The following TRPM8 variants were observed in gnomAD, a reference collection of about 807,000 sequenced individuals.
TRPM8 encodes the protein transient receptor potential cation channel subfamily M member 8.
TRPM8 carries 110 observed loss-of-function variants against 133.7 expected under a neutral mutation model. That is an observed-to-expected ratio of 0.82 (90% CI 0.70 to 0.96). The LOEUF (loss-of-function observed/expected upper bound fraction) is 0.96, where lower values mean the gene tolerates loss of function less well. Ranked by LOEUF, TRPM8 falls within the 40% of genes least tolerant of loss-of-function variation. The pLI is 0.00. For missense variants in TRPM8, 1,291 were observed against 1,379.5 expected (o/e 0.94, Z 1.02); for synonymous variants, 535 against 532.3 (o/e 1.01, Z -0.07).
At chr2:233,969,314 C>T (rs1356751264) in intron 15 of TRPM8, among the ~76,000 whole-genome samples, 8 of 142,978 alleles carry the variant, frequency 5.6e-5, no homozygotes, top group Admixed American at 2.0e-4. Flanking sequence ...CCCGTCACTA[C>T]CAAAAATACA....
intron 4 of TRPM8, 62 bp downstream of exon 4, chr2:233,937,571 G>A (rs1447244074): frequency 1.9e-6 from 3 of 1,545,792 alleles, no homozygotes; most frequent in Non-Finnish European, 2.6e-6. Flanking sequence ...GGGCTACCTT[G>A]ATTTACTTGG....
At chr2:234,009,196 G>T (rs1219963010) in intron 24 of TRPM8, among the ~76,000 whole-genome samples, 12 of 152,262 alleles carry the variant, frequency 7.9e-5, no homozygotes, top group Non-Finnish European at 1.5e-4. Flanking sequence ...GATCAGAATG[G>T]TTGTGGAGGA....
At chr2:233,920,041 A>G (rs554985675) in intron 1 of TRPM8, among the ~76,000 whole-genome samples, 2 of 152,200 alleles carry the variant, frequency 1.3e-5, no homozygotes, top group African/African-American at 2.4e-5. Flanking sequence ...GCACCTGGGA[A>G]CTTGCTAGAG....
chr2:233,956,993 G>C (rs899235469), intron 11 of TRPM8, among the ~76,000 whole-genome samples: 1 of 152,156 alleles, frequency 6.6e-6, no homozygotes, highest in African/African-American at 2.4e-5. Context: ...AGATGGTTAA[G>C]GGTTAAGGGC....
chr2:233,918,197 G>C (rs961221928), intron 1 of TRPM8, among the ~76,000 whole-genome samples: 3 of 151,898 alleles, frequency 2.0e-5, no homozygotes, highest in African/African-American at 4.8e-5. Context: ...GTTTTAGCTT[G>C]TCAAAATCTT....
chr2:233,954,152 G>T, intron 10 of TRPM8, 133 bp downstream of exon 10: 1 of 558,048 alleles, frequency 1.8e-6, no homozygotes. Context: ...TCCTAGATTG[G>T]AAGCTAGAAT....
intron 3 of TRPM8, among the ~76,000 whole-genome samples, chr2:233,933,474 C>T (rs17863842): frequency 0.081 from 12,392 of 152,182 alleles, 625 homozygotes; most frequent in Middle Eastern, 0.15. Context: ...CTGATGTTTT[C>T]CTGTCCTCTT....
chr2:234,009,856 T>C lies in TRPM8; in HGVS notation c.3264+1753T>C, dbSNP rs377554842. ...CATTGACATATAAAATTATATATAT[T>C]TAAAATGTACAATTTGATGCTTTGA... On this transcript the variant is annotated intron_variant, in intron 24 of 25. Transcript: ENST00000324695. Among the ~76,000 whole-genome samples the C allele has an allele frequency of 2.6e-5, 4 of 152,276 alleles. No homozygotes were observed. The East Asian group carries it at 7.7e-4, about 29-fold the overall frequency.
rs1691499912 is a variant in TRPM8, at chr2:233,925,670, G to A, written c.-5-863G>A. Among the ~76,000 whole-genome samples, 3 of 152,266 alleles carry A rather than the reference G, an allele frequency of 2.0e-5. No individual in the cohort carries two copies. The South Asian group carries it at 6.2e-4, about 32-fold the overall frequency. ...AAGGACTGCTGCTGGGATGTGGTGG[G>A]ACAGACAGGGAGGAGCTTGGAGCCA... On this transcript the variant is annotated intron_variant, in intron 1 of 25. Transcript: ENST00000324695.
At chr2:233,979,279 G>A (rs143234277) in intron 17 of TRPM8, among the ~76,000 whole-genome samples, 153 of 152,222 alleles carry the variant, frequency 1.0e-3, no homozygotes, top group African/African-American at 3.5e-3. Context: ...TCTTCGTGTC[G>A]TTTCTTTTCA....
chr2:233,972,471 C>G (rs970069737), intron 17 of TRPM8, among the ~76,000 whole-genome samples: 2 of 152,240 alleles, frequency 1.3e-5, no homozygotes, highest in African/African-American at 2.4e-5. Flanking sequence ...TGCGCCCGCA[C>G]TCCTCAGCCC....
rs769640186 is a variant in TRPM8, at chr2:233,980,897, G to A, written c.2447+618G>A. On this transcript the variant is annotated intron_variant, in intron 18 of 25. Transcript: ENST00000324695. The stretch of plus-strand genomic sequence containing the variant: ...TAGCCTGCATCCTAACTGGCCTGTC[G>A]TCCCCAAATAGCTTTTAAGATAAAG... Among the ~76,000 whole-genome samples, 6 of 152,002 alleles carry A rather than the reference G, an allele frequency of 3.9e-5. No individual in the cohort carries two copies. The East Asian group carries it at 5.8e-4, about 15-fold the overall frequency.
intron 5 of TRPM8, among the ~76,000 whole-genome samples, chr2:233,941,743 C>T (rs1453595440): frequency 2.0e-5 from 3 of 152,144 alleles, no homozygotes; most frequent in Non-Finnish European, 2.9e-5. Flanking sequence ...TGCCCCCCGC[C>T]GCAATAAAAC....
At chr2:233,922,027 A>G (rs572591642) in intron 1 of TRPM8, among the ~76,000 whole-genome samples, 3 of 152,176 alleles carry the variant, frequency 2.0e-5, no homozygotes, top group Non-Finnish European at 2.9e-5. Context: ...TTGATTGACT[A>G]CTACTGTTTA....
At chr2:233,920,079 G>A (rs75734005) in intron 1 of TRPM8, among the ~76,000 whole-genome samples, 10,447 of 152,182 alleles carry the variant, frequency 0.069, 1,211 homozygotes, top group African/African-American at 0.24. Flanking sequence ...CACTGCAGAT[G>A]TCTCATGCTC....
intron 4 of TRPM8, among the ~76,000 whole-genome samples, chr2:233,937,847 T>C (rs986564009): frequency 1.3e-4 from 20 of 152,198 alleles, no homozygotes; most frequent in Non-Finnish European, 2.5e-4. Context: ...TGCGTACTCC[T>C]GAGGTACATA....
chr2:233,937,800 C>T (rs1278779337), intron 4 of TRPM8, among the ~76,000 whole-genome samples: 3 of 152,202 alleles, frequency 2.0e-5, no homozygotes, highest in Non-Finnish European at 2.9e-5. Flanking sequence ...CTACTGAGGG[C>T]CCCATGAATG....
At chr2:233,959,928 C>T (rs1007103868) in intron 11 of TRPM8, among the ~76,000 whole-genome samples, 7 of 150,070 alleles carry the variant, frequency 4.7e-5, no homozygotes, top group South Asian at 2.1e-4. Context: ...ACTGCAGGTG[C>T]GTGCCACCAC....
chr2:233,983,542 C>T (rs955709583), intron 20 of TRPM8, among the ~76,000 whole-genome samples: 10 of 152,130 alleles, frequency 6.6e-5, no homozygotes, highest in African/African-American at 1.9e-4. Flanking sequence ...GAGTTGTACT[C>T]ATCGATGTAA....
Sources: gnomAD v4.1 joint callset for allele counts (sites outside exome capture counted in the v4.1 genomes callset) on GRCh38, gnomAD v4.1.1 for gene constraint, MANE v1.5 for transcripts, NCBI Gene and HGNC (gene_info 2026-07-23, HGNC 2026-07-21) for gene names.